The following CPNE8 variants were observed in gnomAD, a reference collection of about 807,000 sequenced individuals.
The protein encoded by CPNE8 is copine 8.
CPNE8 carries 45 observed loss-of-function variants against 81.5 expected under a neutral mutation model. That is an observed-to-expected ratio of 0.55 (90% CI 0.44 to 0.71). The LOEUF (loss-of-function observed/expected upper bound fraction) is 0.71, where lower values mean the gene tolerates loss of function less well. Ranked by LOEUF, CPNE8 falls within the 30% of genes least tolerant of loss-of-function variation. CPNE8 has a pLI of 0.00. For synonymous variants in CPNE8, 252 were observed against 226.3 expected, an observed-to-expected ratio of 1.11 and a Z score of -1.02; for missense variants, 594 against 672.1, an observed-to-expected ratio of 0.88 and a Z score of 1.28.
chr12:38,902,727 T>C (rs1045779314), intron 1 of CPNE8, among the ~76,000 whole-genome samples: 4 of 152,248 alleles, frequency 2.6e-5, no homozygotes, highest in East Asian at 1.9e-4. Context: ...AACCAACTTA[T>C]TGAAGTTCAA....
chr12:38,755,272 A>G (rs1437149552), intron 10 of CPNE8, among the ~76,000 whole-genome samples: 1 of 152,156 alleles, frequency 6.6e-6, no homozygotes, highest in Non-Finnish European at 1.5e-5. Context: ...TCTGTTCACA[A>G]GCGGGGATTT....
At chr12:38,777,824 C>T (rs796222139) in intron 6 of CPNE8, among the ~76,000 whole-genome samples, 1 of 152,142 alleles carries the variant, frequency 6.6e-6, no homozygotes, top group Admixed American at 6.5e-5. Flanking sequence ...TGGCAGGCAC[C>T]AGCAAGCTGA....
intron 1 of CPNE8, among the ~76,000 whole-genome samples, chr12:38,884,087 T>C (rs946368744): frequency 5.3e-5 from 8 of 152,166 alleles, no homozygotes; most frequent in Non-Finnish European, 8.8e-5. Flanking sequence ...AATCCAGTGG[T>C]TGATAGTATA....
At chr12:38,835,382 G>C (rs1943363012) in intron 5 of CPNE8, among the ~76,000 whole-genome samples, 1 of 152,146 alleles carries the variant, frequency 6.6e-6, no homozygotes, top group Non-Finnish European at 1.5e-5. Context: ...CTCTCTCCCA[G>C]TGTCAATGTC....
intron 1 of CPNE8, among the ~76,000 whole-genome samples, chr12:38,879,386 A>C (rs1363369617): frequency 6.6e-6 from 1 of 151,902 alleles, no homozygotes; most frequent in African/African-American, 2.4e-5. Context: ...GTGAGCCTAA[A>C]TTTTCATGGC....
intron 6 of CPNE8, among the ~76,000 whole-genome samples, chr12:38,814,434 AG>A (rs1334712466): frequency 6.8e-6 from 1 of 147,256 alleles, no homozygotes; most frequent in Non-Finnish European, 1.5e-5. Flanking sequence ...TTCCTGTCTC[AG>A]CCTCCTGAGT....
At chr12:38,791,823 C>A (rs11169547) in intron 6 of CPNE8, among the ~76,000 whole-genome samples, 43,578 of 151,330 alleles carry the variant, frequency 0.29, 8,155 homozygotes, top group Non-Finnish European at 0.41. Context: ...CAGGACAGAC[C>A]ACATTTTAGG....
intron 8 of CPNE8, among the ~76,000 whole-genome samples, chr12:38,765,490 T>C (rs1475550742): frequency 3.3e-5 from 5 of 152,118 alleles, no homozygotes; most frequent in African/African-American, 9.7e-5. Context: ...CAGTAGAAAT[T>C]AAGTTTTTGT....
chr12:38,671,279 A>T (rs1939169837), intron 18 of CPNE8, among the ~76,000 whole-genome samples: 1 of 151,922 alleles, frequency 6.6e-6, no homozygotes. Context: ...CCATACACAT[A>T]CACACACACA....
chr12:38,717,429 G>GTATATATATATATA (rs57044387), intron 13 of CPNE8, among the ~76,000 whole-genome samples: 1,268 of 86,804 alleles, frequency 0.015, 18 homozygotes, highest in Admixed American at 0.02. Flanking sequence ...AAAGTGTGGT[G>GTATATATATATATA]TATATATATA....
chr12:38,825,868 C>A (rs147231737), intron 6 of CPNE8, among the ~76,000 whole-genome samples: 2 of 152,316 alleles, frequency 1.3e-5, no homozygotes, highest in Non-Finnish European at 2.9e-5. Flanking sequence ...GCCAAAATAT[C>A]TTTCCACTAG....
At chr12:38,881,669 T>G (rs1040485466) in intron 1 of CPNE8, among the ~76,000 whole-genome samples, 2 of 152,228 alleles carry the variant, frequency 1.3e-5, no homozygotes, top group African/African-American at 4.8e-5. Flanking sequence ...TTTTTTATAT[T>G]CGTTCTGAAG....
intron 13 of CPNE8, among the ~76,000 whole-genome samples, chr12:38,711,732 G>A (rs1940263514): frequency 6.6e-6 from 1 of 152,090 alleles, no homozygotes; most frequent in African/African-American, 2.4e-5. Flanking sequence ...GCCTCCCAAA[G>A]TGCTGGGATT....
chr12:38,713,570 G>T (rs536611079), intron 13 of CPNE8, among the ~76,000 whole-genome samples: 4 of 152,034 alleles, frequency 2.6e-5, no homozygotes, highest in Non-Finnish European at 5.9e-5. Context: ...GTCACATTCT[G>T]TATTTAAAGT....
chr12:38,747,045 A>G (rs969926216), intron 10 of CPNE8, among the ~76,000 whole-genome samples: 1 of 152,250 alleles, frequency 6.6e-6, no homozygotes, highest in Non-Finnish European at 1.5e-5. Context: ...TATTATTGCC[A>G]TATAGAATTA....
chr12:38,704,230 G>A (rs1940028106), intron 13 of CPNE8, among the ~76,000 whole-genome samples: 2 of 152,028 alleles, frequency 1.3e-5, no homozygotes, highest in African/African-American at 4.8e-5. Flanking sequence ...TAACAAACAC[G>A]CACATGTAAT....
chr12:38,781,957 A>G (rs1027937997), intron 6 of CPNE8, among the ~76,000 whole-genome samples: 7 of 152,152 alleles, frequency 4.6e-5, no homozygotes, highest in African/African-American at 7.2e-5. Context: ...TCAGATCAAA[A>G]GAAAGTGTAC....
At chr12:38,767,590 TATC>T (rs763783186) in intron 8 of CPNE8, 42 bp downstream of exon 8, 1 of 1,070,762 alleles carries the variant, frequency 9.3e-7, no homozygotes, top group Non-Finnish European at 1.3e-6. Flanking sequence ...ATAATTCAAG[TATC>T]ATCATTACCA....
Position 38,653,810 on chromosome 12 carries a change from A to G in CPNE8, c.*72T>C, listed in dbSNP as rs1938758461. The G allele has an allele frequency of 1.3e-6, 2 of 1,539,442 alleles. No individual in the cohort carries two copies. The highest frequency in any genetic ancestry group is 1.7e-6 in the Non-Finnish European group (2 of 1,150,630). On this transcript the variant is annotated 3_prime_UTR_variant, in exon 20 of 20. Transcript: ENST00000331366. ...AAACTATCTCATTGCCTGGTTCATT[A>G]CAGAGCACCAGGCACAAAGCATTAA...
Sources: allele counts gnomAD v4.1 joint callset (sites outside exome capture counted in the v4.1 genomes callset), GRCh38; gene constraint gnomAD v4.1.1; transcripts MANE v1.5; gene names NCBI Gene and HGNC (gene_info 2026-07-23, HGNC 2026-07-21).